Variants in SLC47A2 observed in about 807,000 individuals in gnomAD.
The protein encoded by SLC47A2 is multidrug and toxin extrusion protein 2.
A neutral mutation model predicts 67.7 loss-of-function variants in SLC47A2; 52 were observed. The ratio of observed to expected loss-of-function variants is 0.77; its 90% confidence interval spans 0.61 to 0.97. The LOEUF (loss-of-function observed/expected upper bound fraction) is 0.97. Ranked by LOEUF, SLC47A2 falls within the 50% of genes least tolerant of loss-of-function variation. SLC47A2 has a pLI of 0.00. For missense variants in SLC47A2, 676 were observed against 712.3 expected (o/e 0.95, Z 0.58); for synonymous variants, 278 against 292.9 (o/e 0.95, Z 0.52).
intron 13 of SLC47A2, among the ~76,000 whole-genome samples, chr17:19,684,624 G>A (rs1845486238): frequency 2.0e-5 from 3 of 151,322 alleles, no homozygotes; most frequent in Admixed American, 2.0e-4. Flanking sequence ...ACTTTGGGAG[G>A]CCAAGGCAGG....
At chr17:19,698,314 A>G (rs955470069) in intron 13 of SLC47A2, among the ~76,000 whole-genome samples, 1 of 152,186 alleles carries the variant, frequency 6.6e-6, no homozygotes, top group Admixed American at 6.5e-5. Context: ...AGACACTTTC[A>G]TACATGTTAG....
chr17:19,709,321 G>A (rs1012262563), intron 5 of SLC47A2, among the ~76,000 whole-genome samples: 1 of 152,202 alleles, frequency 6.6e-6, no homozygotes, highest in Non-Finnish European at 1.5e-5. Flanking sequence ...CAGTGTGTGT[G>A]TTGGGGGGCA....
At chr17:19,716,877 G>C (rs951469099), upstream of SLC47A2, 2 of 287,678 alleles carry the variant, frequency 7.0e-6, no homozygotes, top group Non-Finnish European at 1.3e-5. Context: ...GCCTGCAGTG[G>C]CTGTGGGAGG....
At chr17:19,712,622 T>G in intron 5 of SLC47A2, 81 bp downstream of exon 5, 1 of 1,460,098 alleles carries the variant, frequency 6.8e-7, no homozygotes. Context: ...ATAGGGATCT[T>G]CCGCAGCAGA....
rs770362863 is a variant in SLC47A2 at position 19,713,916 on chromosome 17, CCA to C, written c.350_351del (p.Leu117ArgfsTer152). On this transcript the variant is annotated frameshift_variant, in exon 4 of 17. Transcript: ENST00000433844. LOFTEE classifies it high-confidence loss of function. ...CAAGGGAGGCAGCAGAGGAGCAGGA[CCA>C]GCGCGCCCCGCTGCAGGATCACGCC... Reference protein sequence around the residue: ...HVGVILQRGALVLLLCCLPCW... With the variant: ...HVGVILQRGAXVLLLCCLPCW... The C allele has an allele frequency of 1.5e-5, 25 of 1,613,658 alleles. No homozygotes were observed. The highest frequency in any genetic ancestry group is 2.1e-5 in the Non-Finnish European group (25 of 1,179,906).
At chr17:19,702,245 G>T (rs1053761435) in intron 13 of SLC47A2, 10 of 985,204 alleles carry the variant, frequency 1.0e-5, no homozygotes, top group Non-Finnish European at 1.2e-5. Context: ...CTCTGTGCTG[G>T]CAACAGGATA....
At chr17:19,702,140 T>C in intron 13 of SLC47A2, 1 of 985,010 alleles carries the variant, frequency 1.0e-6, no homozygotes, top group Non-Finnish European at 1.2e-6. Context: ...AATTCAAATC[T>C]GTGTTAAATG....
At position 19,708,288 on chromosome 17, in the gene SLC47A2, G is replaced by GC. The variant is rs1455363100; in HGVS notation, c.629+13dup. ...AGTGTCCCCTGACCAGGCCCCACCA[G>GC]CCCCCGGGCTCACCTGACCCCCAGG... is the stretch of plus-strand genomic sequence containing the variant. On this transcript the variant is annotated intron_variant, in intron 7 of 16. Transcript: ENST00000433844. The GC allele has an allele frequency of 2.5e-6, 4 of 1,611,900 alleles. No homozygotes were observed. The highest frequency in any genetic ancestry group is 1.1e-5 in the South Asian group (1 of 90,992).
At chr17:19,704,709 G>A (rs2085881396) in intron 10 of SLC47A2, 1 of 1,549,030 alleles carries the variant, frequency 6.5e-7, no homozygotes, top group African/African-American at 1.4e-5. Context: ...GGGGAGTAGA[G>A]GGGAGGTGGG....
chr17:19,714,763 T>A lies in SLC47A2; in HGVS notation c.252A>T (p.Val84=), dbSNP rs150645927. 3 of 1,614,030 alleles carry A rather than the reference T, an allele frequency of 1.9e-6. No individual in the cohort carries two copies. The African/African-American group carries it at 4.0e-5, about 22-fold the overall frequency. ...VAFVNVCGVS[V]GVGLSSACDT... is the part of the protein sequence containing the mutation. ...CACATGCCGAAGACAAACCAACTCC[T>A]ACAGAAACTCCGCAGACATTGACAA... is the stretch of plus-strand genomic sequence containing the variant. Residue 84 remains valine, a synonymous_variant, in exon 3 of 17, where the codon GTA becomes GTT. Transcript: ENST00000433844.
Position 19,710,899 on chromosome 17 carries a change from G to A in SLC47A2, c.486+1804C>T, listed in dbSNP as rs567632772. ...GATCTCAGCTCACTGCAACCTCAGC[G>A]TCCTGGGTTCAAGCAATCCTCCTGC... is the stretch of plus-strand genomic sequence containing the variant. On this transcript the variant is annotated intron_variant, in intron 5 of 16. Transcript: ENST00000433844. Among the ~76,000 whole-genome samples, 35 of 150,314 alleles carry A rather than the reference G, an allele frequency of 2.3e-4. No homozygotes were observed. In the South Asian group the frequency reaches 3.2e-3, roughly 14 times the overall value.
rs898273147 is a variant in SLC47A2, at chr17:19,716,573, G to C, written c.-18C>G. The C allele has an allele frequency of 2.5e-6, 4 of 1,588,842 alleles. No homozygotes were observed. The African/African-American group carries it at 5.4e-5, about 21-fold the overall frequency. ...CTGTCCATTCCTGGCCGGGGCACTGGCTACCCTGCACGCCTGAGCGCCTGC... is the reference window on the plus strand; with the variant it reads ...CTGTCCATTCCTGGCCGGGGCACTGCCTACCCTGCACGCCTGAGCGCCTGC... On this transcript the variant is annotated 5_prime_UTR_variant, in exon 1 of 17. Coordinates refer to ENST00000433844, the MANE Select transcript of SLC47A2 (RefSeq NM_001099646.3).
intron 1 of SLC47A2, chr17:19,715,577 T>G (rs2086232010): frequency 5.2e-6 from 1 of 191,108 alleles, no homozygotes; most frequent in African/African-American, 2.3e-5. Context: ...TACACCAAAA[T>G]CTTAGTAATG....
In SLC47A2 at chr17:19,716,073, G is replaced by C. The variant is rs575512999; in HGVS notation, c.123+360C>G. 180 of 222,846 alleles carry C rather than the reference G, an allele frequency of 8.1e-4. 1 individual carries two copies. Among genetic ancestry groups the C allele is most frequent in the African/African-American group, 3.9e-3 (170 of 43,982 alleles). 13.8% of individuals were successfully genotyped at this position (222,846 alleles called of 1,614,324 possible). ...AATTTCCCCTTTGGAAATGAAATGG[G>C]TAGCCGGCCCCTTCTTCCCCCTGCG... On this transcript the variant is annotated intron_variant, in intron 1 of 16. Transcript: ENST00000433844.
At chr17:19,686,802 T>C (rs1436170185) in intron 13 of SLC47A2, among the ~76,000 whole-genome samples, 1 of 152,184 alleles carries the variant, frequency 6.6e-6, no homozygotes, top group Non-Finnish European at 1.5e-5. Flanking sequence ...ATAAAGCAGA[T>C]GTTATTAGAA....
chr17:19,684,874 C>T (rs1443742538), intron 13 of SLC47A2, among the ~76,000 whole-genome samples: 2 of 152,098 alleles, frequency 1.3e-5, no homozygotes, highest in African/African-American at 2.4e-5. Context: ...TTTCTACGGT[C>T]TCCCTCTCTT....
rs1049503103 is a variant in SLC47A2, at chr17:19,712,737, T to C, written c.452A>G (p.Gln151Arg). ...TGGAATGAAAATCATTACATAGTCC[T>C]GGGTCAACCTGCAAGAGAGGGAGAA... Reference protein sequence around the residue: ...RQDPDVSRLTQDYVMIFIPGL... With the variant: ...RQDPDVSRLTRDYVMIFIPGL... The change falls in exon 5 of 17, where the codon CAG (glutamine) becomes CGG (arginine). Residue 151 changes from glutamine to arginine, a missense_variant. By Grantham distance (43) the Gln-to-Arg change is conservative (BLOSUM62 1). Transcript: ENST00000433844. 3 of 1,612,904 alleles carry C rather than the reference T, an allele frequency of 1.9e-6. No individual in the cohort carries two copies. In the African/African-American group the frequency reaches 4.0e-5, roughly 22 times the overall value.
At chr17:19,683,664 C>A (rs2085361520) in intron 13 of SLC47A2, among the ~76,000 whole-genome samples, 1 of 152,154 alleles carries the variant, frequency 6.6e-6, no homozygotes, top group African/African-American at 2.4e-5. Flanking sequence ...GCTGAAGAGA[C>A]CCGTAGTACC....
Position 19,703,157 on chromosome 17 carries a change from G to A in SLC47A2, c.1029C>T (p.Ser343=), listed in dbSNP as rs1298880818. The change falls in exon 12 of 17, where the codon TCC becomes TCT. Residue 343 remains serine, a synonymous_variant. Transcript: ENST00000433844. ...TGCTTATCAGGGTGCCCAGGACCAG[G>A]GAAATGCCAACTGGAAGAGACAAAA... is the stretch of plus-strand genomic sequence containing the variant. The part of the protein sequence containing the change: ...VSGVLSIVGI[S]LVLGTLISIL... 6.2e-7 allele frequency: 1 copy of A among 1,614,084 alleles called. No individual in the cohort carries two copies. Among genetic ancestry groups the A allele is most frequent in the South Asian group, 1.1e-5 (1 of 91,082 alleles).
Sources: gnomAD v4.1 joint callset for allele counts (sites outside exome capture counted in the v4.1 genomes callset) on GRCh38, gnomAD v4.1.1 for gene constraint, MANE v1.5 for transcripts, NCBI Gene and HGNC (gene_info 2026-07-23, HGNC 2026-07-21) for gene names.